The following CRYM variants were observed in gnomAD, a reference collection of about 807,000 sequenced individuals.
The protein encoded by CRYM is ketimine reductase mu-crystallin.
Under a neutral mutation model 32.9 loss-of-function variants are expected in CRYM, and 18 were observed. That is an observed-to-expected ratio of 0.55 (90% CI 0.38 to 0.81). CRYM has a LOEUF of 0.81. Among genes scored for constraint, CRYM ranks in the 30% least tolerant of loss-of-function variants. The pLI, the probability that CRYM is intolerant of heterozygous loss-of-function variation, is 0.00. For synonymous variants in CRYM, 153 were observed against 152.4 expected, an observed-to-expected ratio of 1.00 and a Z score of -0.03; for missense variants, 337 against 393.5, an observed-to-expected ratio of 0.86 and a Z score of 1.21.
chr16:21,290,439 C>G (rs987184650), intron 1 of CRYM, among the ~76,000 whole-genome samples: 2 of 152,132 alleles, frequency 1.3e-5, no homozygotes, highest in Non-Finnish European at 2.9e-5. Flanking sequence ...CGGGACACAT[C>G]TGAACATCTG....
Position 21,277,516 on chromosome 16 carries a change from TAGA to T in CRYM, c.236_238del (p.Phe79del). 1 of 1,613,944 alleles carries T rather than the reference TAGA, an allele frequency of 6.2e-7. No individual in the cohort carries two copies. Among genetic ancestry groups the T allele is most frequent in the Non-Finnish European group, 8.5e-7 (1 of 1,179,982 alleles). The stretch of plus-strand genomic sequence containing the variant: ...GACCGAGGTGATGCCGCGGTCCTCG[TAGA>T]AGGTGACCAACTTGGTGGTCAGTGC... On this transcript the variant is annotated inframe_deletion, in exon 2 of 8. Transcript: ENST00000572914. This position sits in a 1 kb window ranked among gnomAD's most constrained non-coding sequence, Gnocchi z 4.2.
At chr16:21,280,409 A>C (rs1031200075), upstream of CRYM, among the ~76,000 whole-genome samples, 6 of 152,300 alleles carry the variant, frequency 3.9e-5, no homozygotes, top group Admixed American at 6.5e-5. Context: ...TGAACTAAAA[A>C]TAAAATCCTA....
chr16:21,278,219 G>C lies in CRYM; in HGVS notation c.33C>G (p.Ala11=). The C allele has an allele frequency of 6.4e-7, 1 of 1,571,370 alleles. No homozygotes were observed. The highest frequency in any genetic ancestry group is 2.4e-5 in the East Asian group (1 of 41,910). MSRVPAFLSA[A]EVEEHLRSSS... is the part of the protein sequence containing the mutation. ...AGCTGCGGAGGTGTTCCTCCACCTC[G>C]GCCGCGCTCAGGAACGCTGGTACCC... Residue 11 remains alanine (A), a synonymous_variant, in exon 1 of 8, where the codon GCC becomes GCG. Coordinates refer to ENST00000572914, the MANE Select transcript of CRYM (RefSeq NM_001376256.1).
At chr16:21,278,345 C>G (rs2152863432), upstream of CRYM, 1 of 1,473,064 alleles carries the variant, frequency 6.8e-7, no homozygotes, top group Non-Finnish European at 9.2e-7. Context: ...CTCTGTGGAG[C>G]CGCCTGCTGG....
At position 21,258,853 on chromosome 16, in the gene CRYM, A is replaced by G; in HGVS notation, c.881-8T>C. ...TGTCTTCCACTGCCATTCCTAGAAT[A>G]GACAGAAATTTGGTTCGCCTTTGGT... On this transcript the variant is annotated splice_region_variant and splice_polypyrimidine_tract_variant and intron_variant, in intron 7 of 7. Coordinates refer to ENST00000572914, the MANE Select transcript of CRYM (RefSeq NM_001376256.1). 6.2e-7 allele frequency: 1 copy of G among 1,614,032 alleles called. No homozygotes were observed. Among genetic ancestry groups the G allele is most frequent in the Non-Finnish European group, 8.5e-7 (1 of 1,179,940 alleles).
At chr16:21,262,996 T>C (rs1244956592) in intron 5 of CRYM, among the ~76,000 whole-genome samples, 2 of 152,168 alleles carry the variant, frequency 1.3e-5, no homozygotes, top group Non-Finnish European at 2.9e-5. Context: ...CTCCTCTTGA[T>C]CTCCATCATT....
chr16:21,265,416 A>G (rs996300415), intron 5 of CRYM, among the ~76,000 whole-genome samples: 1 of 152,178 alleles, frequency 6.6e-6, no homozygotes, highest in African/African-American at 2.4e-5. Context: ...AGCTTCTCAG[A>G]TAACCCTATT....
upstream of CRYM, among the ~76,000 whole-genome samples, chr16:21,279,717 G>C (rs896901526): frequency 9.2e-5 from 14 of 152,224 alleles, no homozygotes; most frequent in Admixed American, 8.5e-4. Context: ...TGCTGAAGTT[G>C]TGCTTTGTGG....
rs1392034660 is a variant in CRYM at position 21,290,373 on chromosome 16, C to A, written c.-192-11413G>T. Among the ~76,000 whole-genome samples, 3 of 152,032 alleles carry A rather than the reference C, an allele frequency of 2.0e-5. No homozygotes were observed. The East Asian group carries it at 5.8e-4, about 29-fold the overall frequency. On this transcript the variant is annotated intron_variant, in intron 1 of 9. Coordinates refer to the CRYM transcript ENST00000219599. ...GAGCTGTAACACTCACTACAAAGGT[C>A]TGCAGCTTCTCTCCTGAGGTCAGCA...
At chr16:21,275,137 G>C (rs1290967435) in intron 3 of CRYM, among the ~76,000 whole-genome samples, 3 of 152,162 alleles carry the variant, frequency 2.0e-5, no homozygotes, top group Admixed American at 6.5e-5. Context: ...GGGGCAATGT[G>C]GTACAGGGAC....
intron 3 of CRYM, among the ~76,000 whole-genome samples, chr16:21,272,686 G>A (rs932087056): frequency 6.7e-5 from 10 of 148,552 alleles, no homozygotes; most frequent in African/African-American, 2.0e-4. Context: ...AGTCTCACTC[G>A]TTGTCCAGGC....
intron 1 of CRYM, among the ~76,000 whole-genome samples, chr16:21,293,015 G>A (rs1021062368): frequency 6.9e-6 from 1 of 145,856 alleles, no homozygotes; most frequent in Non-Finnish European, 1.5e-5. Context: ...TAGATGGATA[G>A]GTAAGTAGAT....
chr16:21,263,297 A>T (rs1233802830), intron 5 of CRYM, among the ~76,000 whole-genome samples: 1 of 152,182 alleles, frequency 6.6e-6, no homozygotes, highest in Non-Finnish European at 1.5e-5. Context: ...GCTACCTGGG[A>T]GGCTGAGGCA....
chr16:21,296,459 C>T (rs1960790071), intron 1 of CRYM, among the ~76,000 whole-genome samples: 1 of 152,148 alleles, frequency 6.6e-6, no homozygotes, highest in Admixed American at 6.5e-5. Context: ...AATACTAAAA[C>T]CTATCATTCA....
chr16:21,261,911 C>T, intron 6 of CRYM, 126 bp downstream of exon 6: 2 of 1,133,136 alleles, frequency 1.8e-6, no homozygotes, highest in South Asian at 2.7e-5. Flanking sequence ...GGAGCTCCTT[C>T]CCCTACAAGG....
intron 1 of CRYM, among the ~76,000 whole-genome samples, chr16:21,293,987 A>C (rs1960726660): frequency 6.6e-6 from 1 of 152,250 alleles, no homozygotes. Flanking sequence ...ACTAAGTATC[A>C]ATATACGGGA....
intron 6 of CRYM, chr16:21,261,716 C>G (rs2093354790): frequency 4.3e-6 from 2 of 463,782 alleles, no homozygotes; most frequent in African/African-American, 3.9e-5. Context: ...GCAACACAGT[C>G]TTATCATGTT....
chr16:21,268,047 G>A (rs1033096911), intron 4 of CRYM, among the ~76,000 whole-genome samples: 1 of 152,216 alleles, frequency 6.6e-6, no homozygotes, highest in African/African-American at 2.4e-5. Flanking sequence ...TATATTAATA[G>A]CATAATGATT....
chr16:21,301,258 G>A (rs369243202), intron 1 of CRYM: 1 of 152,396 alleles, frequency 6.6e-6, no homozygotes, highest in South Asian at 2.1e-4. Context: ...AGAAGCCCGC[G>A]AGAGGCGGAG....
Sources: gnomAD v4.1 joint callset for allele counts (sites outside exome capture counted in the v4.1 genomes callset) on GRCh38, gnomAD v4.1.1 for gene constraint, Gnocchi (gnomAD v3.1) non-coding constraint, MANE v1.5 for transcripts, NCBI Gene and HGNC (gene_info 2026-07-23, HGNC 2026-07-21) for gene names.